The following GNA14 variants were observed in gnomAD, a reference collection of about 807,000 sequenced individuals.
The protein encoded by GNA14 is G protein subunit alpha 14.
GNA14 carries 50 observed loss-of-function variants against 42.0 expected under a neutral mutation model. That is an observed-to-expected ratio of 1.19 (90% CI 0.95 to 1.51). GNA14 has a LOEUF of 1.51. Ranked by LOEUF, GNA14 falls within the 40% of genes most tolerant of loss-of-function variation. GNA14 has a pLI of 0.00. For missense variants in GNA14, 473 were observed against 446.2 expected, an observed-to-expected ratio of 1.06 and a Z score of -0.54; for synonymous variants, 173 against 163.1, an observed-to-expected ratio of 1.06 and a Z score of -0.46.
chr9:77,553,487 G>GA (rs1012483225), intron 1 of GNA14, among the ~76,000 whole-genome samples: 11 of 148,366 alleles, frequency 7.4e-5, no homozygotes, highest in South Asian at 2.1e-4. Context: ...AGCACCAATA[G>GA]AAAAAAAAAG....
intron 2 of GNA14, among the ~76,000 whole-genome samples, chr9:77,480,839 G>T (rs1340318928): frequency 6.6e-6 from 1 of 152,148 alleles, no homozygotes; most frequent in Non-Finnish European, 1.5e-5. Flanking sequence ...TTGCATAGAG[G>T]TGTTTGTAGT....
chr9:77,563,108 T>C (rs1420505987), intron 1 of GNA14, among the ~76,000 whole-genome samples: 1 of 152,152 alleles, frequency 6.6e-6, no homozygotes, highest in Non-Finnish European at 1.5e-5. Context: ...GATTAAAGGC[T>C]CAAAACCCCT....
intron 2 of GNA14, among the ~76,000 whole-genome samples, chr9:77,472,788 A>ATCTCTCTCTCTCTC (rs34429720): frequency 1.8e-4 from 26 of 142,098 alleles, no homozygotes; most frequent in African/African-American, 2.6e-4. Context: ...ACATGACATG[A>ATCTCTCTCTCTCTC]TCTCTCTCTC....
At position 77,431,425 on chromosome 9, in the gene GNA14, G is replaced by A. The variant is rs199964099; in HGVS notation, c.489C>T (p.Ile163=). 7.6e-5 allele frequency: 123 copies of A among 1,613,382 alleles called. No homozygotes were observed. In the Middle Eastern group the frequency reaches 1.2e-3, roughly 15 times the overall value. Reference sequence around the variant, plus strand: ...GGGTAGGCACGAATGATGGTGTGGCGATGCGGTCAATGTCAGTCAGGTAAC... The same window carrying A: ...GGGTAGGCACGAATGATGGTGTGGCAATGCGGTCAATGTCAGTCAGGTAAC... ...AKYYLTDIDR[I]ATPSFVPTQQ... The change falls in exon 4 of 7, where the codon ATC becomes ATT. Residue 163 remains isoleucine, a synonymous_variant. Coordinates refer to ENST00000341700, the MANE Select transcript of GNA14 (RefSeq NM_004297.4).
rs11396564 is a variant in GNA14 at position 77,564,834 on chromosome 9, T to TAA, written c.125-35583_125-35582dup. ...GGTGACGAAGCAAGAATCTGTCTATTAAAAAAAAAAAAAGTTAAGATATTA... is the reference window on the plus strand; with the variant it reads ...GGTGACGAAGCAAGAATCTGTCTATTAAAAAAAAAAAAAAAGTTAAGATATTA... On this transcript the variant is annotated intron_variant, in intron 1 of 6. Coordinates refer to ENST00000341700, the MANE Select transcript of GNA14 (RefSeq NM_004297.4). 5.2e-3 allele frequency among the ~76,000 whole-genome samples: 762 copies of TAA among 147,316 alleles called. 5 individuals carry two copies. The highest frequency in any genetic ancestry group is 0.016 in the African/African-American group (638 of 40,136).
At chr9:77,493,658 C>T (rs1185361596) in intron 2 of GNA14, among the ~76,000 whole-genome samples, 1 of 152,046 alleles carries the variant, frequency 6.6e-6, no homozygotes, top group African/African-American at 2.4e-5. Context: ...ATACTGATTT[C>T]TTATTCTGGT....
At chr9:77,438,780 A>C (rs112560984) in intron 2 of GNA14, among the ~76,000 whole-genome samples, 30 of 152,066 alleles carry the variant, frequency 2.0e-4, no homozygotes, top group Admixed American at 1.6e-3. Flanking sequence ...ACACAGTTAC[A>C]TTTTTCTTGA....
intron 2 of GNA14, among the ~76,000 whole-genome samples, chr9:77,498,254 T>A (rs1303218507): frequency 6.6e-6 from 1 of 151,120 alleles, no homozygotes; most frequent in African/African-American, 2.4e-5. Flanking sequence ...AGGCCTGTAA[T>A]CCCAGCTACT....
chr9:77,502,370 G>A (rs1836990277), intron 2 of GNA14, among the ~76,000 whole-genome samples: 1 of 152,166 alleles, frequency 6.6e-6, no homozygotes, highest in South Asian at 2.1e-4. Flanking sequence ...TGAATATTAT[G>A]AGACTGAATC....
At chr9:77,464,377 G>GTGTGTGTGTA (rs1554689660) in intron 2 of GNA14, among the ~76,000 whole-genome samples, 6 of 150,414 alleles carry the variant, frequency 4.0e-5, no homozygotes, top group African/African-American at 1.5e-4. Flanking sequence ...GTGTGTGTGT[G>GTGTGTGTGTA]TGTGTGTGTG....
chr9:77,425,063 G>A (rs1209343514), intron 6 of GNA14, among the ~76,000 whole-genome samples: 1 of 152,152 alleles, frequency 6.6e-6, no homozygotes, highest in Non-Finnish European at 1.5e-5. Context: ...ATACACATAA[G>A]AAGCACCAGG....
intron 2 of GNA14, among the ~76,000 whole-genome samples, chr9:77,479,842 C>G (rs1836509494): frequency 1.3e-5 from 2 of 151,906 alleles, no homozygotes; most frequent in African/African-American, 2.4e-5. Context: ...CATGATTTGG[C>G]TCTCTGTTTG....
chr9:77,549,706 C>G (rs1837766529), intron 1 of GNA14, among the ~76,000 whole-genome samples: 1 of 152,170 alleles, frequency 6.6e-6, no homozygotes, highest in South Asian at 2.1e-4. Flanking sequence ...TTCTGGGGCT[C>G]TTGGCGCCAC....
chr9:77,627,420 G>C (rs1264521847), intron 1 of GNA14, among the ~76,000 whole-genome samples: 2 of 152,054 alleles, frequency 1.3e-5, no homozygotes, highest in Non-Finnish European at 2.9e-5. Context: ...ACCTGGCAGA[G>C]ACACAACAAA....
chr9:77,591,517 G>A (rs953110591), intron 1 of GNA14, among the ~76,000 whole-genome samples: 8 of 152,248 alleles, frequency 5.3e-5, no homozygotes, highest in Middle Eastern at 3.4e-3. Context: ...TATGATCCTA[G>A]GGGACTCCCA....
chr9:77,598,879 A>T (rs926795799), intron 1 of GNA14, among the ~76,000 whole-genome samples: 1 of 152,214 alleles, frequency 6.6e-6, no homozygotes, highest in African/African-American at 2.4e-5. Flanking sequence ...TTGATTGACC[A>T]GTTCATTCAA....
intron 2 of GNA14, among the ~76,000 whole-genome samples, chr9:77,435,903 T>G (rs1835633048): frequency 1.3e-5 from 2 of 152,188 alleles, no homozygotes; most frequent in African/African-American, 4.8e-5. Context: ...CCTCCCATAT[T>G]TCTGCATCCC....
At chr9:77,511,997 C>T (rs982898385) in intron 2 of GNA14, among the ~76,000 whole-genome samples, 1 of 152,138 alleles carries the variant, frequency 6.6e-6, no homozygotes, top group Non-Finnish European at 1.5e-5. Context: ...GGCTGCCTCC[C>T]GGCCCTACCT....
At chr9:77,567,009 T>C (rs1822978816) in intron 1 of GNA14, among the ~76,000 whole-genome samples, 1 of 152,194 alleles carries the variant, frequency 6.6e-6, no homozygotes, top group South Asian at 2.1e-4. Context: ...ATAACCTTCA[T>C]GTGTACTAAC....
Sources: gnomAD v4.1 joint callset for allele counts (sites outside exome capture counted in the v4.1 genomes callset) on GRCh38, gnomAD v4.1.1 for gene constraint, MANE v1.5 for transcripts, NCBI Gene and HGNC (gene_info 2026-07-23, HGNC 2026-07-21) for gene names.